GRID1: variants seen among roughly 807,000 people sequenced by gnomAD.
GRID1 encodes glutamate receptor ionotropic, delta-1.
A neutral mutation model predicts 98.0 loss-of-function variants in GRID1; 28 were observed. The ratio of observed to expected loss-of-function variants is 0.29; its 90% CI spans 0.21 to 0.39. The LOEUF is 0.39. Among genes scored for constraint, GRID1 ranks in the 10% least tolerant of loss-of-function variants. The pLI is 1.00. For synonymous variants in GRID1, 553 were observed against 538.5 expected, an observed-to-expected ratio of 1.03 and a Z score of -0.37; for missense variants, 1,111 against 1,340.5, an observed-to-expected ratio of 0.83 and a Z score of 2.67.
chr10:85,628,421 T>C (rs967300394), intron 13 of GRID1, among the ~76,000 whole-genome samples: 1 of 152,028 alleles, frequency 6.6e-6, no homozygotes, highest in African/African-American at 2.4e-5. Context: ...TATGAGTATG[T>C]GTATTATCGT....
intron 2 of GRID1, among the ~76,000 whole-genome samples, chr10:86,363,488 G>T (rs994249686): frequency 6.6e-6 from 1 of 152,228 alleles, no homozygotes; most frequent in African/African-American, 2.4e-5. Context: ...AAGGAGACAG[G>T]TCGGGCTCCA....
At chr10:85,865,904 C>CATATATACATATATATATATATAT (rs1564613203) in intron 6 of GRID1, among the ~76,000 whole-genome samples, 1 of 52,410 alleles carries the variant, frequency 1.9e-5, no homozygotes, top group African/African-American at 8.2e-5. Flanking sequence ...AAGTGTTTTA[C>CATATATACATATATATATATATAT]ATATATACAT....
At chr10:85,666,834 T>G (rs11201725) in intron 12 of GRID1, among the ~76,000 whole-genome samples, 18,707 of 152,090 alleles carry the variant, frequency 0.12, 1,323 homozygotes, top group Middle Eastern at 0.23. Flanking sequence ...ACAGCTCACA[T>G]CAGGTGCAGG....
intron 4 of GRID1, among the ~76,000 whole-genome samples, chr10:86,113,022 T>C (rs576017940): frequency 2.0e-5 from 3 of 152,348 alleles, no homozygotes; most frequent in African/African-American, 7.2e-5. Flanking sequence ...TGCCAGAGAC[T>C]AGACCTTTAG....
intron 3 of GRID1, among the ~76,000 whole-genome samples, chr10:86,202,291 G>T (rs11201938): frequency 1.3e-5 from 2 of 152,202 alleles, no homozygotes; most frequent in Non-Finnish European, 1.5e-5. Flanking sequence ...AAAATACCTG[G>T]CATGCGGTAG....
chr10:86,222,949 C>G (rs553490527), intron 2 of GRID1, among the ~76,000 whole-genome samples: 3 of 152,156 alleles, frequency 2.0e-5, no homozygotes, highest in Non-Finnish European at 4.4e-5. Context: ...TGCATCCCCC[C>G]CTCCACAGCA....
intron 6 of GRID1, among the ~76,000 whole-genome samples, chr10:85,865,103 C>G (rs1288009623): frequency 6.6e-6 from 1 of 152,152 alleles, no homozygotes; most frequent in African/African-American, 2.4e-5. Context: ...TTCTGAGGGA[C>G]TGGTTATCAC....
chr10:85,906,588 G>A (rs1283167657), intron 5 of GRID1, among the ~76,000 whole-genome samples: 4 of 152,070 alleles, frequency 2.6e-5, no homozygotes, highest in Admixed American at 6.5e-5. Context: ...GAAATCAATA[G>A]CAGAAAGATT....
chr10:86,295,631 C>T (rs1397050154), intron 2 of GRID1, among the ~76,000 whole-genome samples: 1 of 152,142 alleles, frequency 6.6e-6, no homozygotes, highest in Admixed American at 6.5e-5. Flanking sequence ...CCCGGAGAAA[C>T]GCGATATGAC....
At chr10:85,876,505 CT>C in intron 5 of GRID1, among the ~76,000 whole-genome samples, 1 of 152,206 alleles carries the variant, frequency 6.6e-6, no homozygotes, top group East Asian at 1.9e-4. Context: ...TTCATCATAT[CT>C]GCAAAATGTC....
intron 12 of GRID1, among the ~76,000 whole-genome samples, chr10:85,722,348 A>T (rs904023003): frequency 1.3e-5 from 2 of 152,236 alleles, no homozygotes; most frequent in African/African-American, 4.8e-5. Context: ...TGACCACTTC[A>T]ACAACCACAC....
At chr10:86,259,357 G>A (rs1846976088) in intron 2 of GRID1, among the ~76,000 whole-genome samples, 1 of 152,074 alleles carries the variant, frequency 6.6e-6, no homozygotes, top group South Asian at 2.1e-4. Flanking sequence ...TCCTTAATCT[G>A]TACCTATCCA....
At chr10:85,956,321 C>T (rs1437394954) in intron 4 of GRID1, among the ~76,000 whole-genome samples, 1 of 152,104 alleles carries the variant, frequency 6.6e-6, no homozygotes, top group Admixed American at 6.6e-5. Context: ...GTGCCAACTC[C>T]CTTTCTCAAC....
At chr10:86,263,325 C>T (rs1169481438) in intron 2 of GRID1, among the ~76,000 whole-genome samples, 1 of 152,268 alleles carries the variant, frequency 6.6e-6, no homozygotes, top group East Asian at 1.9e-4. Context: ...CCATTGTAAA[C>T]CGGCCTTGGA....
At chr10:86,259,038 A>G (rs1846968822) in intron 2 of GRID1, among the ~76,000 whole-genome samples, 1 of 152,284 alleles carries the variant, frequency 6.6e-6, no homozygotes, top group Non-Finnish European at 1.5e-5. Flanking sequence ...CTTAAATTTC[A>G]AAGAAAAAGA....
chr10:86,212,036 G>A (rs1846114425), intron 2 of GRID1, among the ~76,000 whole-genome samples: 1 of 152,146 alleles, frequency 6.6e-6, no homozygotes, highest in African/African-American at 2.4e-5. Context: ...GGTGAGAAAG[G>A]TGCCCTCAGA....
At chr10:85,658,474 C>T (rs577792015) in intron 12 of GRID1, among the ~76,000 whole-genome samples, 42 of 152,292 alleles carry the variant, frequency 2.8e-4, no homozygotes, top group African/African-American at 9.9e-4. Context: ...GTCACAGAAG[C>T]AGCAAGTACA....
At chr10:86,006,542 C>T (rs555251499) in intron 4 of GRID1, among the ~76,000 whole-genome samples, 7 of 152,066 alleles carry the variant, frequency 4.6e-5, no homozygotes, top group African/African-American at 9.6e-5. Flanking sequence ...CGCTTGAACC[C>T]GGGAGGCGGA....
intron 2 of GRID1, among the ~76,000 whole-genome samples, chr10:86,211,409 G>A (rs1270815203): frequency 1.3e-5 from 2 of 152,074 alleles, no homozygotes; most frequent in East Asian, 3.9e-4. Context: ...GCGGCTTCCA[G>A]CCCCCCCACC....
Sources: allele counts gnomAD v4.1 joint callset (sites outside exome capture counted in the v4.1 genomes callset), GRCh38; gene constraint gnomAD v4.1.1; transcripts MANE v1.5; gene names NCBI Gene and HGNC (gene_info 2026-07-23, HGNC 2026-07-21).